MSMO1: variants seen among roughly 807,000 people sequenced by gnomAD.
MSMO1 encodes the protein methylsterol monooxygenase 1.
Under a neutral mutation model 30.4 loss-of-function variants are expected in MSMO1, and 18 were observed. The ratio of observed to expected loss-of-function variants is 0.59; its 90% CI spans 0.41 to 0.88. MSMO1 has a LOEUF of 0.88. Ranked by LOEUF, MSMO1 falls within the 40% of genes least tolerant of loss-of-function variation. MSMO1 has a pLI of 0.00. For synonymous variants in MSMO1, 84 were observed against 107.9 expected (o/e 0.78, Z 1.37); for missense variants, 284 against 340.5 (o/e 0.83, Z 1.31).
chr4:165,336,837 C>T (rs372618297), intron 2 of MSMO1, among the ~76,000 whole-genome samples: 9 of 152,222 alleles, frequency 5.9e-5, no homozygotes, highest in African/African-American at 1.9e-4. Context: ...GGAAGATAAC[C>T]CTTAAAGAAT....
At chr4:165,339,263 C>T (rs892899231) in intron 4 of MSMO1, among the ~76,000 whole-genome samples, 3 of 151,964 alleles carry the variant, frequency 2.0e-5, no homozygotes, top group East Asian at 1.9e-4. Flanking sequence ...CGTCACCACG[C>T]GTGGCTAATT....
chr4:165,329,948 A>G (rs1413149829), intron 1 of MSMO1, among the ~76,000 whole-genome samples: 1 of 152,078 alleles, frequency 6.6e-6, no homozygotes, highest in African/African-American at 2.4e-5. Flanking sequence ...TAGTGATTTT[A>G]GTAAGAGTAA....
intron 1 of MSMO1, among the ~76,000 whole-genome samples, chr4:165,329,624 G>T (rs1747334480): frequency 1.2e-5 from 1 of 86,112 alleles, no homozygotes; most frequent in Non-Finnish European, 2.4e-5. Context: ...GATCCATAGC[G>T]ATTTTTTTTT....
At chr4:165,329,926 A>T (rs966122834) in intron 1 of MSMO1, among the ~76,000 whole-genome samples, 1 of 152,038 alleles carries the variant, frequency 6.6e-6, no homozygotes, top group Admixed American at 6.6e-5. Context: ...AAGCCACCAC[A>T]CCCAGCCTCC....
intron 1 of MSMO1, among the ~76,000 whole-genome samples, chr4:165,330,252 A>T (rs1747354407): frequency 6.6e-6 from 1 of 152,248 alleles, no homozygotes; most frequent in Admixed American, 6.5e-5. Context: ...TTTTATCTAT[A>T]AAATGGTGAT....
At position 165,342,854 on chromosome 4, in the gene MSMO1, C is replaced by T. The variant is rs2126631026; in HGVS notation, c.*908C>T. The T allele has an allele frequency of 6.6e-6, 1 of 152,436 alleles. No individual in the cohort carries two copies. Among genetic ancestry groups the T allele is most frequent in the African/African-American group, 2.4e-5 (1 of 41,558 alleles). 9.4% of individuals were successfully genotyped at this position (152,436 alleles called of 1,614,324 possible). ...AGTCCTTCTTGATTGCAGTGCAGTA[C>T]TGGCATTTCTGAATGGATGTAAGTG... On this transcript the variant is annotated 3_prime_UTR_variant, in exon 6 of 6. Coordinates refer to ENST00000261507, the MANE Select transcript of MSMO1 (RefSeq NM_006745.5).
rs1213186209 is a variant in MSMO1, at chr4:165,342,223, C to CT, written c.*278dup. Reference sequence around the variant, plus strand: ...TAAGCTTCCAAGAAGGTTTTGGATACTAGAAGTATTAATCTATGGCTTTTC... The same window carrying CT: ...TAAGCTTCCAAGAAGGTTTTGGATACTTAGAAGTATTAATCTATGGCTTTTC... On this transcript the variant is annotated 3_prime_UTR_variant, in exon 6 of 6. Transcript: ENST00000261507. The CT allele has an allele frequency of 6.0e-6, 2 of 333,672 alleles. No homozygotes were observed. The highest frequency in any genetic ancestry group is 4.6e-5 in the Admixed American group (1 of 21,678). The allele number at this position is 333,672 out of a possible 1,614,324, so 20.7% of individuals were successfully genotyped here.
chr4:165,330,540 T>C (rs1437635133), intron 1 of MSMO1, among the ~76,000 whole-genome samples: 1 of 152,250 alleles, frequency 6.6e-6, no homozygotes, highest in Non-Finnish European at 1.5e-5. Flanking sequence ...GACTAGTAAG[T>C]GGTCTTGGTT....
chr4:165,329,274 T>C (rs747233137), intron 1 of MSMO1, among the ~76,000 whole-genome samples: 9 of 152,126 alleles, frequency 5.9e-5, no homozygotes, highest in Non-Finnish European at 1.0e-4. Flanking sequence ...CTCTATTTTT[T>C]AATTTGTCAC....
At chr4:165,332,513 G>T (rs1452787110) in intron 1 of MSMO1, among the ~76,000 whole-genome samples, 1 of 152,124 alleles carries the variant, frequency 6.6e-6, no homozygotes, top group African/African-American at 2.4e-5. Flanking sequence ...AAAGTTGCTG[G>T]ATCAAAGGAT....
At chr4:165,340,426 T>G in intron 5 of MSMO1, 51 bp downstream of exon 5, 1 of 1,440,912 alleles carries the variant, frequency 6.9e-7, no homozygotes, top group Non-Finnish European at 9.7e-7. Flanking sequence ...TATATTTATT[T>G]TCATGGCCAT....
intron 1 of MSMO1, among the ~76,000 whole-genome samples, chr4:165,332,773 G>C (rs3943705): frequency 0.29 from 44,618 of 152,082 alleles, 6,825 homozygotes; most frequent in East Asian, 0.51. Context: ...TGAACTGCTT[G>C]TGAATGGCAT....
intron 5 of MSMO1, among the ~76,000 whole-genome samples, chr4:165,341,393 TA>T (rs1747711174): frequency 1.3e-5 from 2 of 152,216 alleles, no homozygotes; most frequent in South Asian, 4.1e-4. Context: ...TTTTGGGCTT[TA>T]TTTACAACTG....
At chr4:165,336,235 T>TAAAA (rs3043074) in intron 2 of MSMO1, among the ~76,000 whole-genome samples, 1 of 146,808 alleles carries the variant, frequency 6.8e-6, no homozygotes, top group Admixed American at 6.8e-5. Flanking sequence ...TCTATTTCTT[T>TAAAA]AAAAAAAAAA....
At chr4:165,339,928 A>G (rs545099073) in intron 4 of MSMO1, among the ~76,000 whole-genome samples, 1 of 152,244 alleles carries the variant, frequency 6.6e-6, no homozygotes, top group East Asian at 1.9e-4. Context: ...CAAGTTGGAA[A>G]CTCAGGCAGG....
chr4:165,340,400 A>G (rs1199875896), intron 5 of MSMO1, 25 bp downstream of exon 5: 1 of 1,574,424 alleles, frequency 6.4e-7, no homozygotes, highest in South Asian at 1.1e-5. Flanking sequence ...CTGTTCAGGT[A>G]TAAAGCATAA....
intron 2 of MSMO1, among the ~76,000 whole-genome samples, chr4:165,334,122 CAG>C (rs1747473727): frequency 1.3e-5 from 2 of 152,128 alleles, no homozygotes; most frequent in Admixed American, 1.3e-4. Context: ...TTATTTCAAT[CAG>C]TAATCAAATT....
intron 1 of MSMO1, among the ~76,000 whole-genome samples, chr4:165,328,486 AG>A (rs1747299225): frequency 1.3e-5 from 2 of 152,318 alleles, no homozygotes; most frequent in Non-Finnish European, 2.9e-5. Flanking sequence ...CTTAGAAATA[AG>A]GTTTAGGAAG....
rs548335390 is a variant in MSMO1 at position 165,335,845 on chromosome 4, T to G, written c.256-1944T>G. Reference sequence around the variant, plus strand: ...TCTTTATGTTTCATAACCATTAAAGTCCATGCTTTGAGCATTTTTGATAAA... The same window carrying G: ...TCTTTATGTTTCATAACCATTAAAGGCCATGCTTTGAGCATTTTTGATAAA... On this transcript the variant is annotated intron_variant, in intron 2 of 5. Coordinates refer to ENST00000261507, the MANE Select transcript of MSMO1 (RefSeq NM_006745.5). Among the ~76,000 whole-genome samples the G allele has an allele frequency of 3.9e-5, 6 of 152,320 alleles. No homozygotes were observed. In the South Asian group the frequency reaches 1.2e-3, roughly 32 times the overall value.
Sources: allele counts gnomAD v4.1 joint callset (sites outside exome capture counted in the v4.1 genomes callset), GRCh38; gene constraint gnomAD v4.1.1; transcripts MANE v1.5; gene names NCBI Gene and HGNC (gene_info 2026-07-23, HGNC 2026-07-21).